The following ARID1B variants were observed in gnomAD, a reference collection of about 807,000 sequenced individuals.
ARID1B encodes the protein AT-rich interaction domain 1B.
Under a neutral mutation model 212.3 loss-of-function variants are expected in ARID1B, and 30 were observed. That is an observed-to-expected ratio of 0.14 (90% CI 0.11 to 0.19). ARID1B has a LOEUF of 0.19. Ranked by LOEUF, ARID1B falls within the 10% of genes least tolerant of loss-of-function variation. The pLI, the probability that ARID1B is intolerant of heterozygous loss-of-function variation, is 1.00. For synonymous variants in ARID1B, 1,402 were observed against 1,301.7 expected (o/e 1.08, Z -1.66); for missense variants, 2,891 against 3,204.0 (o/e 0.90, Z 2.36).
At chr6:156,819,520 C>A (rs1782206721) in intron 1 of ARID1B, among the ~76,000 whole-genome samples, 1 of 152,154 alleles carries the variant, frequency 6.6e-6, no homozygotes, top group South Asian at 2.1e-4. Context: ...GACTTACAAG[C>A]TGCTGAGCTT....
rs151106827 is a variant in ARID1B, at chr6:157,094,099, G to T, written c.2491+9194G>T. ...GTTAGGGCAGGTGTCTCTCTTAGAA[G>T]CTGATATTTGAACAAGAGAAGTGAA... is the stretch of plus-strand genomic sequence containing the variant. On this transcript the variant is annotated intron_variant, in intron 5 of 19. Coordinates refer to ENST00000636930, the MANE Select transcript of ARID1B (RefSeq NM_001374828.1). This position sits in a 1 kb window ranked among gnomAD's most constrained non-coding sequence, Gnocchi z 4.3. Among the ~76,000 whole-genome samples, 922 of 152,250 alleles carry T rather than the reference G, an allele frequency of 6.1e-3. 10 individuals carry two copies. The highest frequency in any genetic ancestry group is 0.021 in the African/African-American group (880 of 41,540).
chr6:157,186,945 G>GC (rs1793016474), intron 13 of ARID1B, among the ~76,000 whole-genome samples: 1 of 152,184 alleles, frequency 6.6e-6, no homozygotes, highest in South Asian at 2.1e-4. Context: ...GGAGGCATAA[G>GC]CCCCTTGGCC....
intron 1 of ARID1B, among the ~76,000 whole-genome samples, chr6:156,794,313 G>T (rs1383226670): frequency 6.6e-6 from 1 of 151,780 alleles, no homozygotes; most frequent in Non-Finnish European, 1.5e-5. Context: ...GCTGTGGCAT[G>T]ATCATAGCTC....
At chr6:157,042,544 A>G (rs1176311405) in intron 4 of ARID1B, among the ~76,000 whole-genome samples, 1 of 152,192 alleles carries the variant, frequency 6.6e-6, no homozygotes, top group Non-Finnish European at 1.5e-5. Context: ...AAAATGAATT[A>G]CAAGGATAAT....
At chr6:157,126,768 CT>C (rs1190481586) in intron 6 of ARID1B, among the ~76,000 whole-genome samples, 9 of 152,130 alleles carry the variant, frequency 5.9e-5, no homozygotes, top group Admixed American at 5.2e-4. Context: ...ATTCAATATA[CT>C]TTCACAATAT....
chr6:157,208,533 A>T lies in ARID1B; in HGVS notation c.*642A>T. 4.3e-6 allele frequency: 1 copy of T among 233,112 alleles called. No individual in the cohort carries two copies. Among genetic ancestry groups the T allele is most frequent in the East Asian group, 6.1e-5 (1 of 16,482 alleles). The allele number at this position is 233,112 out of a possible 1,614,324, so 14.4% of individuals were successfully genotyped here. On this transcript the variant is annotated 3_prime_UTR_variant, in exon 20 of 20. Coordinates refer to ENST00000636930, the MANE Select transcript of ARID1B (RefSeq NM_001374828.1). ...ATGTTTTTTAAGATTGAGAATACAT[A>T]CCTGACAACGATCCGGAAACTGCTC...
At chr6:156,989,658 A>G (rs1439444713) in intron 4 of ARID1B, among the ~76,000 whole-genome samples, 1 of 152,214 alleles carries the variant, frequency 6.6e-6, no homozygotes, top group African/African-American at 2.4e-5. Flanking sequence ...GGAGATGATA[A>G]TCTACCCCAC....
chr6:157,184,323 T>C lies in ARID1B; in HGVS notation c.3807T>C (p.Ile1269=). The C allele has an allele frequency of 6.2e-7, 1 of 1,614,180 alleles. No individual in the cohort carries two copies. Among genetic ancestry groups the C allele is most frequent in the Non-Finnish European group, 8.5e-7 (1 of 1,180,036 alleles). The stretch of plus-strand genomic sequence containing the variant: ...CGAGCTCCCTGAAAAAGCAGTATAT[T>C]CAGTACCTGTTTGCCTTTGAGTGCA... ...SAASSLKKQY[I]QYLFAFECKI... is the part of the protein sequence containing the mutation. Residue 1269 remains isoleucine (I), a synonymous_variant, in exon 13 of 20, where the codon ATT becomes ATC. Transcript: ENST00000636930.
chr6:157,021,581 C>T (rs1317685938), intron 4 of ARID1B, among the ~76,000 whole-genome samples: 2 of 152,186 alleles, frequency 1.3e-5, no homozygotes, highest in African/African-American at 4.8e-5. Context: ...ACCGCGTCCT[C>T]AGCCTGACTG....
chr6:156,964,497 T>C (rs989957777), intron 4 of ARID1B, among the ~76,000 whole-genome samples: 2 of 152,220 alleles, frequency 1.3e-5, no homozygotes, highest in Non-Finnish European at 2.9e-5. Context: ...TAATATTCTA[T>C]GTAGGGAAAA....
chr6:157,100,949 A>T (rs981950375), intron 5 of ARID1B, among the ~76,000 whole-genome samples: 1 of 152,238 alleles, frequency 6.6e-6, no homozygotes, highest in East Asian at 1.9e-4. Context: ...GGTTTGGCAG[A>T]ATATAAGAAA....
At chr6:157,146,661 C>T (rs1278830435) in intron 7 of ARID1B, among the ~76,000 whole-genome samples, 5 of 152,208 alleles carry the variant, frequency 3.3e-5, no homozygotes, top group Non-Finnish European at 5.9e-5. Context: ...CACACACACA[C>T]ACATACCCAT....
At position 157,198,808 on chromosome 6, in the gene ARID1B, C is replaced by T. The variant is rs1583496343; in HGVS notation, c.4383-3C>T. ...TAAGTTTTCTTTGAATGCCTCATTC[C>T]AGGCATGAACCTTATGGGCAGCAGT... On this transcript the variant is annotated splice_polypyrimidine_tract_variant and splice_region_variant and intron_variant, in intron 16 of 19. Transcript: ENST00000636930. 2 of 1,607,354 alleles carry T rather than the reference C, an allele frequency of 1.2e-6. No homozygotes were observed. Among genetic ancestry groups the T allele is most frequent in the Non-Finnish European group, 1.7e-6 (2 of 1,175,948 alleles).
chr6:157,199,503 A>G (rs1323763207), intron 17 of ARID1B, among the ~76,000 whole-genome samples: 2 of 151,894 alleles, frequency 1.3e-5, no homozygotes, highest in Non-Finnish European at 2.9e-5. Context: ...CTTTCCAGAC[A>G]TACAGGACTT....
At chr6:156,972,287 A>G (rs1452191943) in intron 4 of ARID1B, among the ~76,000 whole-genome samples, 1 of 152,156 alleles carries the variant, frequency 6.6e-6, no homozygotes, top group Non-Finnish European at 1.5e-5. Context: ...CAAATGGTCT[A>G]GGCTTGTGAC....
At chr6:156,949,194 T>C (rs2128301801) in intron 4 of ARID1B, among the ~76,000 whole-genome samples, 1 of 152,334 alleles carries the variant, frequency 6.6e-6, no homozygotes, top group East Asian at 1.9e-4. Context: ...TTACTACTTT[T>C]TTTGCTGACT....
At chr6:156,790,348 G>GTGA (rs1779926286) in intron 1 of ARID1B, among the ~76,000 whole-genome samples, 1 of 152,192 alleles carries the variant, frequency 6.6e-6, no homozygotes. Context: ...TGAGCATAGA[G>GTGA]TGATGTCCTT....
At chr6:156,980,208 C>A (rs368118790) in intron 4 of ARID1B, among the ~76,000 whole-genome samples, 1 of 152,214 alleles carries the variant, frequency 6.6e-6, no homozygotes, top group East Asian at 1.9e-4. Flanking sequence ...GAAGGTCGGG[C>A]GTGATGGCTC....
At chr6:156,866,797 C>T (rs899246665) in intron 2 of ARID1B, among the ~76,000 whole-genome samples, 10 of 152,160 alleles carry the variant, frequency 6.6e-5, no homozygotes, top group African/African-American at 2.4e-4. Flanking sequence ...TTGTCACAGA[C>T]ATTAAAATGT....
Sources: gnomAD v4.1 joint callset for allele counts (sites outside exome capture counted in the v4.1 genomes callset) on GRCh38, gnomAD v4.1.1 for gene constraint, Gnocchi (gnomAD v3.1) non-coding constraint, MANE v1.5 for transcripts, NCBI Gene and HGNC (gene_info 2026-07-23, HGNC 2026-07-21) for gene names.